The following MICAL3 variants were observed in gnomAD, a reference collection of about 807,000 sequenced individuals.
The protein encoded by MICAL3 is microtubule associated monooxygenase, calponin and LIM domain containing 3.
Under a neutral mutation model 207.4 loss-of-function variants are expected in MICAL3, and 62 were observed. The ratio of observed to expected loss-of-function variants is 0.30; its 90% CI spans 0.24 to 0.37. MICAL3 has a LOEUF of 0.37. MICAL3 is among the 10% of genes least tolerant of loss of function. The probability of loss-of-function intolerance (pLI) is 1.00; values close to 1 mark genes in which losing one functional copy is unlikely to be tolerated. For synonymous variants in MICAL3, 1,077 were observed against 1,069.3 expected (o/e 1.01, Z -0.14); for missense variants, 2,368 against 2,635.6 (o/e 0.90, Z 2.22).
intron 16 of MICAL3, chr22:17,875,693 A>C: frequency 2.1e-6 from 1 of 469,886 alleles, no homozygotes; most frequent in Non-Finnish European, 3.6e-6. Context: ...AAAAAAAAAA[A>C]AAAAAAAAAA....
chr22:17,950,149 A>G (rs902308046), intron 1 of MICAL3, among the ~76,000 whole-genome samples: 2 of 149,766 alleles, frequency 1.3e-5, no homozygotes, highest in African/African-American at 2.5e-5. Context: ...CAGGTCATTC[A>G]CAGGGTACAG....
intron 19 of MICAL3, chr22:17,864,042 ACACCCAGCAGTTTGT>A: frequency 7.1e-6 from 7 of 986,014 alleles, no homozygotes; most frequent in Non-Finnish European, 7.2e-6. Context: ...GACATTCAGA[ACACCCAGCAGTTTGT>A]GGAGCTCTGG....
chr22:17,879,401 G>A (rs748810054), intron 16 of MICAL3: 4 of 1,611,748 alleles, frequency 2.5e-6, no homozygotes, highest in East Asian at 4.5e-5. Context: ...ATCCCTGTAT[G>A]TCTGTTGGCA....
chr22:17,917,159 T>C (rs1932577914), intron 1 of MICAL3, among the ~76,000 whole-genome samples: 1 of 152,184 alleles, frequency 6.6e-6, no homozygotes, highest in African/African-American at 2.4e-5. Context: ...ATCTACACAG[T>C]ATCAATAACC....
rs138975233 is a variant in MICAL3, at chr22:17,835,336, G to A, written c.2802-3229C>T. 1.0e-3 allele frequency among the ~76,000 whole-genome samples: 153 copies of A among 152,298 alleles called. 1 individual carries two copies. Among genetic ancestry groups the A allele is most frequent in the African/African-American group, 3.5e-3 (144 of 41,560 alleles). On this transcript the variant is annotated intron_variant, in intron 20 of 31. Transcript: ENST00000441493. Reference sequence around the variant, plus strand: ...CAGCCCACCTCCCAGACACCTTGGCGCTTGCTTCTGCAGCTCCCAGACAGG... The same window carrying A: ...CAGCCCACCTCCCAGACACCTTGGCACTTGCTTCTGCAGCTCCCAGACAGG...
chr22:17,874,900 C>T (rs371436526), intron 16 of MICAL3, among the ~76,000 whole-genome samples: 2 of 152,238 alleles, frequency 1.3e-5, no homozygotes, highest in African/African-American at 2.4e-5. Flanking sequence ...TGAGGTCTGG[C>T]GTCAACTCAG....
intron 1 of MICAL3, chr22:18,001,480 G>A (rs80118802): frequency 1.3e-5 from 2 of 152,298 alleles, no homozygotes; most frequent in African/African-American, 2.4e-5. Context: ...CGTCCGGCGC[G>A]GTAGGTAGCA....
At chr22:17,837,827 T>C (rs1342488217) in intron 20 of MICAL3, among the ~76,000 whole-genome samples, 1 of 152,192 alleles carries the variant, frequency 6.6e-6, no homozygotes, top group South Asian at 2.1e-4. Context: ...AATTAGATAC[T>C]CCAGGGTGCG....
chr22:17,816,752 C>T lies in MICAL3; in HGVS notation c.5383G>A (p.Glu1795Lys), dbSNP rs376059742. Residue 1795 changes from glutamate (E) to lysine (K), a missense_variant, in exon 27 of 32, where the codon GAG (glutamate) becomes AAG (lysine). Around this residue, in one of 4 missense-constraint regions of MICAL3, gnomAD observed 1,770 missense variants for 1,863.2 expected, o/e 0.95. Transcript: ENST00000441493. ...LQLRRQLSFS[E>K]DSDLSSDDVL... ...TCGTCGCTGGAGAGGTCTGAGTCCT[C>T]GGAGAAGCTCAGCTGGCGCCGGAGC... is the stretch of plus-strand genomic sequence containing the variant. The T allele has an allele frequency of 5.2e-6, 8 of 1,551,436 alleles. No individual in the cohort carries two copies. The highest frequency in any genetic ancestry group is 2.7e-5 in the African/African-American group (2 of 73,090).
At chr22:17,925,990 T>C (rs1569135203) in intron 1 of MICAL3, among the ~76,000 whole-genome samples, 1 of 152,276 alleles carries the variant, frequency 6.6e-6, no homozygotes, top group South Asian at 2.1e-4. Context: ...TGAAAAAAAA[T>C]GTTTTGACTT....
In MICAL3 at chr22:17,791,119, A is replaced by T. The variant is rs1360879100; in HGVS notation, c.5751-48T>A. On this transcript the variant is annotated intron_variant, in intron 30 of 31. Transcript: ENST00000441493. ...AGACAAGCCACAGTGACTGGGGACC[A>T]CCCCTCACCCCCAAATCTGGAAGGA... The T allele has an allele frequency of 3.1e-6, 5 of 1,604,010 alleles. No homozygotes were observed. In the South Asian group the frequency reaches 4.5e-5, roughly 14 times the overall value.
At chr22:17,964,713 C>T (rs1935066553) in intron 1 of MICAL3, among the ~76,000 whole-genome samples, 1 of 152,168 alleles carries the variant, frequency 6.6e-6, no homozygotes, top group Admixed American at 6.5e-5. Flanking sequence ...AACTTAAAAC[C>T]AGCTGGTTTC....
chr22:17,947,578 T>A (rs886737749), intron 1 of MICAL3, among the ~76,000 whole-genome samples: 1 of 152,236 alleles, frequency 6.6e-6, no homozygotes, highest in Admixed American at 6.5e-5. Flanking sequence ...ATTTTTATCT[T>A]ATTTTTATTT....
At chr22:17,936,127 G>A (rs552384825) in intron 1 of MICAL3, among the ~76,000 whole-genome samples, 4 of 152,224 alleles carry the variant, frequency 2.6e-5, no homozygotes, top group South Asian at 2.1e-4. Flanking sequence ...ACATGCACAC[G>A]CATGTTTATT....
intron 29 of MICAL3, among the ~76,000 whole-genome samples, chr22:17,794,496 A>G (rs2061855451): frequency 6.6e-6 from 1 of 152,250 alleles, no homozygotes. Flanking sequence ...GGACGCTCAC[A>G]CCTGCGCTCC....
intron 10 of MICAL3, among the ~76,000 whole-genome samples, chr22:17,894,792 A>G (rs1047263968): frequency 7.4e-5 from 10 of 135,658 alleles, no homozygotes; most frequent in African/African-American, 2.8e-4. Flanking sequence ...GCGAGATTCC[A>G]TCTCAAAAAA....
intron 1 of MICAL3, among the ~76,000 whole-genome samples, chr22:17,977,628 G>C (rs977931515): frequency 6.6e-6 from 1 of 151,992 alleles, no homozygotes; most frequent in Non-Finnish European, 1.5e-5. Context: ...GTAAAATAGT[G>C]CTGCAACTTT....
intron 1 of MICAL3, among the ~76,000 whole-genome samples, chr22:17,922,894 A>C (rs1932832935): frequency 6.6e-6 from 1 of 152,224 alleles, no homozygotes; most frequent in Non-Finnish European, 1.5e-5. Flanking sequence ...AAGCAGAAAT[A>C]AATCTAGACA....
intron 1 of MICAL3, among the ~76,000 whole-genome samples, chr22:17,907,218 A>AGG (rs79371913): frequency 2.9e-3 from 440 of 150,208 alleles, no homozygotes; most frequent in African/African-American, 7.9e-3. Context: ...TTGGTGGTGA[A>AGG]GGGGGGGGGT....
Sources: gnomAD v4.1 joint callset for allele counts (sites outside exome capture counted in the v4.1 genomes callset) on GRCh38, gnomAD v4.1.1 for gene constraint, gnomAD v4.1.1 regional missense constraint, MANE v1.5 for transcripts, NCBI Gene and HGNC (gene_info 2026-07-23, HGNC 2026-07-21) for gene names.